RAB3GAP2: variants seen among roughly 807,000 people sequenced by gnomAD.
RAB3GAP2 encodes RAB3 GTPase activating non-catalytic protein subunit 2, also known as rab3 GTPase-activating protein non-catalytic subunit.
In RAB3GAP2, 87 loss-of-function variants were observed where a neutral mutation model predicts 185.3. The ratio of observed to expected loss-of-function variants is 0.47; its 90% CI spans 0.39 to 0.56. RAB3GAP2 has a LOEUF of 0.56. Ranked by LOEUF, RAB3GAP2 falls within the 20% of genes least tolerant of loss-of-function variation. The pLI is 0.00. For synonymous variants in RAB3GAP2, 554 were observed against 576.1 expected, an observed-to-expected ratio of 0.96 and a Z score of 0.55; for missense variants, 1,492 against 1,638.2, an observed-to-expected ratio of 0.91 and a Z score of 1.54.
Position 220,151,288 on chromosome 1 carries a change from A to G in RAB3GAP2, c.4145T>C (p.Ile1382Thr), listed in dbSNP as rs376300719. Residue 1382 changes from isoleucine (I) to threonine (T), a missense_variant, in exon 35 of 35, where the codon ATT (isoleucine) becomes ACT (threonine). Physicochemically the swap from Ile to Thr is moderately conservative, Grantham distance 89. Around this residue, in one of 5 missense-constraint regions of RAB3GAP2, gnomAD observed 387 missense variants for 455.3 expected, o/e 0.85. Coordinates refer to ENST00000358951, the MANE Select transcript of RAB3GAP2 (RefSeq NM_012414.4). ...HGQYGLALHL[I>T]EAVEAISLPS... ...AAGAGATATGGCTTCCACAGCTTCA[A>G]TGAGGTGTAAGGCTAGACCATATTG... The G allele has an allele frequency of 1.9e-5, 31 of 1,614,062 alleles. No homozygotes were observed. Among genetic ancestry groups the G allele is most frequent in the South Asian group, 1.8e-4 (16 of 91,086 alleles).
At chr1:220,164,860 A>T in intron 26 of RAB3GAP2, 61 bp from the exon 27 acceptor site, 1 of 1,480,002 alleles carries the variant, frequency 6.8e-7, no homozygotes, top group Non-Finnish European at 9.3e-7. Flanking sequence ...AGGTTTTACC[A>T]TTATCAATGG....
Position 220,151,417 on chromosome 1 carries a change from G to A in RAB3GAP2, c.4027-11C>T. 1 of 1,614,078 alleles carries A rather than the reference G, an allele frequency of 6.2e-7. No homozygotes were observed. Among genetic ancestry groups the A allele is most frequent in the Non-Finnish European group, 8.5e-7 (1 of 1,179,982 alleles). Reference sequence around the variant, plus strand: ...AAGGTCCTGGGGGTCCTGCAAATGGGACACAAAAATAACCTATTATAGACA... The same window carrying A: ...AAGGTCCTGGGGGTCCTGCAAATGGAACACAAAAATAACCTATTATAGACA... On this transcript the variant is annotated splice_polypyrimidine_tract_variant and intron_variant, in intron 34 of 34. Coordinates refer to ENST00000358951, the MANE Select transcript of RAB3GAP2 (RefSeq NM_012414.4).
intron 2 of RAB3GAP2, among the ~76,000 whole-genome samples, chr1:220,222,800 A>C (rs1397636923): frequency 6.6e-6 from 1 of 151,720 alleles, no homozygotes; most frequent in Admixed American, 6.6e-5. Context: ...ACCCCCAAAA[A>C]CCCCTTTATT....
intron 1 of RAB3GAP2, among the ~76,000 whole-genome samples, chr1:220,239,375 C>T (rs968632439): frequency 3.9e-5 from 6 of 152,074 alleles, no homozygotes; most frequent in South Asian, 2.1e-4. Context: ...GGACTACAGG[C>T]ATATGCCACC....
chr1:220,153,871 G>A (rs1053129858), intron 32 of RAB3GAP2, 97 bp downstream of exon 32: 39 of 1,546,862 alleles, frequency 2.5e-5, no homozygotes, highest in African/African-American at 6.8e-5. Flanking sequence ...CTGTCCTTGC[G>A]ATAGAAAGTA....
chr1:220,202,677 T>C (rs1189269396), intron 8 of RAB3GAP2, among the ~76,000 whole-genome samples: 1 of 152,188 alleles, frequency 6.6e-6, no homozygotes, highest in Non-Finnish European at 1.5e-5. Flanking sequence ...GCATGGTGGC[T>C]CATGCCTGTA....
At chr1:220,202,430 C>A in intron 8 of RAB3GAP2, 56 bp from the exon 9 acceptor site, 1 of 1,532,070 alleles carries the variant, frequency 6.5e-7, no homozygotes. Context: ...TGAAGTTTTA[C>A]AAAAAAACAT....
At chr1:220,216,670 T>C (rs1659207484) in intron 2 of RAB3GAP2, among the ~76,000 whole-genome samples, 2 of 152,202 alleles carry the variant, frequency 1.3e-5, no homozygotes, top group South Asian at 2.1e-4. Flanking sequence ...AACTCTTTGA[T>C]TGGTCTCTGA....
chr1:220,245,228 G>A (rs1164389672), intron 1 of RAB3GAP2, among the ~76,000 whole-genome samples: 6 of 152,224 alleles, frequency 3.9e-5, no homozygotes. Flanking sequence ...ACAGAAGACG[G>A]GTGATTTCTG....
chr1:220,215,108 TTC>T (rs1419987879), intron 2 of RAB3GAP2, among the ~76,000 whole-genome samples: 1 of 151,910 alleles, frequency 6.6e-6, no homozygotes, highest in East Asian at 1.9e-4. Flanking sequence ...ATTTAACCAG[TTC>T]CCGATATGCG....
intron 1 of RAB3GAP2, among the ~76,000 whole-genome samples, chr1:220,263,152 G>A (rs1054815580): frequency 6.6e-6 from 1 of 151,798 alleles, no homozygotes; most frequent in Non-Finnish European, 1.5e-5. Context: ...TTGATTTTTT[G>A]TTGTTGTTAT....
intron 9 of RAB3GAP2, among the ~76,000 whole-genome samples, chr1:220,198,888 C>T (rs12039349): frequency 0.048 from 7,232 of 152,160 alleles, 206 homozygotes; most frequent in African/African-American, 0.077. Flanking sequence ...CTAATGAAGG[C>T]CTCTTTGACA....
intron 1 of RAB3GAP2, chr1:220,254,396 A>C: frequency 1.2e-6 from 2 of 1,613,070 alleles, no homozygotes; most frequent in Non-Finnish European, 1.7e-6. Context: ...ATGTTGGCCT[A>C]TACACCTCTG....
intron 18 of RAB3GAP2, among the ~76,000 whole-genome samples, chr1:220,185,247 G>C (rs1227437333): frequency 6.6e-6 from 1 of 152,100 alleles, no homozygotes; most frequent in Non-Finnish European, 1.5e-5. Flanking sequence ...TGATAGTACA[G>C]ACAAATTTTG....
At chr1:220,196,854 T>C (rs1257621787) in intron 9 of RAB3GAP2, among the ~76,000 whole-genome samples, 1 of 151,724 alleles carries the variant, frequency 6.6e-6, no homozygotes, top group Admixed American at 6.6e-5. Context: ...ATAATAAATA[T>C]TAAAATTTCC....
intron 18 of RAB3GAP2, among the ~76,000 whole-genome samples, chr1:220,184,383 G>C (rs1658471569): frequency 6.6e-6 from 1 of 151,852 alleles, no homozygotes. Flanking sequence ...TCTAAAAGTA[G>C]GGAGATAAAA....
At chr1:220,174,798 A>G (rs1033167178) in intron 21 of RAB3GAP2, among the ~76,000 whole-genome samples, 2 of 152,140 alleles carry the variant, frequency 1.3e-5, no homozygotes, top group Non-Finnish European at 2.9e-5. Flanking sequence ...TTGAGGGAGG[A>G]TAAGGGGGAG....
chr1:220,193,263 C>A lies in RAB3GAP2; in HGVS notation c.1247G>T (p.Gly416Val). The change falls in exon 13 of 35, where the codon GGA (glycine) becomes GTA (valine). Residue 416 changes from glycine (G) to valine (V), a missense_variant. Transcript: ENST00000358951. ...ACCTTTCCACATGCGTATTGCAATT[C>A]CTCTAGCTACATCCAATAAAATAAC... ...GRVILLDVAR[G>V]IAIRMWKGYR... 1 of 1,613,926 alleles carries A rather than the reference C, an allele frequency of 6.2e-7. No individual in the cohort carries two copies. Among genetic ancestry groups the A allele is most frequent in the Non-Finnish European group, 8.5e-7 (1 of 1,179,928 alleles).
intron 9 of RAB3GAP2, among the ~76,000 whole-genome samples, chr1:220,197,921 T>A (rs542492559): frequency 6.6e-6 from 1 of 152,180 alleles, no homozygotes; most frequent in Admixed American, 6.5e-5. Context: ...AACTGTAGAT[T>A]CTTTGTATTT....
Sources: allele counts gnomAD v4.1 joint callset (sites outside exome capture counted in the v4.1 genomes callset), GRCh38; gene constraint gnomAD v4.1.1; regional missense constraint gnomAD v4.1.1; transcripts MANE v1.5; gene names NCBI Gene and HGNC (gene_info 2026-07-23, HGNC 2026-07-21).